KCNK10: variants seen among roughly 807,000 people sequenced by gnomAD.
KCNK10 encodes the protein potassium channel subfamily K member 10.
In KCNK10, 25 loss-of-function variants were observed where a neutral mutation model predicts 47.7. That is an observed-to-expected ratio of 0.52 (90% CI 0.38 to 0.73). The LOEUF is 0.73. Among genes scored for constraint, KCNK10 ranks in the 30% least tolerant of loss-of-function variants. KCNK10 has a pLI of 0.00. For synonymous variants in KCNK10, 303 were observed against 285.6 expected (o/e 1.06, Z -0.61); for missense variants, 563 against 714.5 (o/e 0.79, Z 2.42).
chr14:88,282,067 T>C (rs1260035150), intron 1 of KCNK10, among the ~76,000 whole-genome samples: 1 of 152,146 alleles, frequency 6.6e-6, no homozygotes, highest in Non-Finnish European at 1.5e-5. Context: ...ACCCAGTACC[T>C]AGTATGGTGT....
At chr14:88,308,757 C>A (rs1049191224) in intron 1 of KCNK10, among the ~76,000 whole-genome samples, 3 of 152,224 alleles carry the variant, frequency 2.0e-5, no homozygotes, top group African/African-American at 4.8e-5. Context: ...AACACAGATT[C>A]TTCAAAATAT....
intron 4 of KCNK10, among the ~76,000 whole-genome samples, chr14:88,221,922 A>C (rs1595089010): frequency 6.6e-6 from 1 of 152,222 alleles, no homozygotes; most frequent in East Asian, 1.9e-4. Flanking sequence ...ACTTTTATCC[A>C]TATTTAAGTG....
intron 1 of KCNK10, among the ~76,000 whole-genome samples, chr14:88,316,192 C>T (rs1888427783): frequency 1.3e-5 from 2 of 152,108 alleles, no homozygotes; most frequent in Admixed American, 6.5e-5. Flanking sequence ...ATGCAATGCT[C>T]CCTCATGACC....
At chr14:88,253,549 T>C (rs963919235) in intron 2 of KCNK10, among the ~76,000 whole-genome samples, 1 of 152,072 alleles carries the variant, frequency 6.6e-6, no homozygotes, top group Non-Finnish European at 1.5e-5. Context: ...TGCCAAATAA[T>C]ACTCATCAAA....
At chr14:88,239,586 C>T (rs915067333) in intron 3 of KCNK10, among the ~76,000 whole-genome samples, 3 of 152,258 alleles carry the variant, frequency 2.0e-5, no homozygotes, top group East Asian at 1.9e-4. Flanking sequence ...AGGCCAGGTG[C>T]GGTGGCTCAC....
Position 88,260,593 on chromosome 14 carries a change from C to T in KCNK10, c.402+2609G>A, listed in dbSNP as rs375108460. 6.2e-3 allele frequency among the ~76,000 whole-genome samples: 939 copies of T among 152,264 alleles called. 31 individuals are homozygous for T. The highest frequency in any genetic ancestry group is 0.06 in the South Asian group (289 of 4,826). ...AGAGTGTACAGTCAGTCCAACCTTG[C>T]GCTGACTACCAGCTCTACCACTTTG... On this transcript the variant is annotated intron_variant, in intron 2 of 6. Coordinates refer to ENST00000319231, the MANE Select transcript of KCNK10 (RefSeq NM_138317.3). This position sits in a 1 kb window ranked among gnomAD's most constrained non-coding sequence, Gnocchi z 4.5.
At chr14:88,188,146 G>A in intron 5 of KCNK10, 37 bp from the exon 6 acceptor site, 1 of 1,610,174 alleles carries the variant, frequency 6.2e-7, no homozygotes, top group South Asian at 1.1e-5. Flanking sequence ...CCATGATCTA[G>A]CATATGGTCT....
At chr14:88,309,472 C>T (rs923447328) in intron 1 of KCNK10, among the ~76,000 whole-genome samples, 1 of 152,134 alleles carries the variant, frequency 6.6e-6, no homozygotes, top group East Asian at 1.9e-4. Flanking sequence ...TCTGGGGGCA[C>T]ATGCCTATAG....
rs1054892150 is a variant in KCNK10 at position 88,183,857 on chromosome 14, A to T, written c.*1678T>A. The T allele has an allele frequency of 1.3e-5, 2 of 152,340 alleles. No individual in the cohort carries two copies. Among genetic ancestry groups the T allele is most frequent in the African/African-American group, 4.8e-5 (2 of 41,450 alleles). The allele number at this position is 152,340 out of a possible 1,614,324, so 9.4% of individuals were successfully genotyped here. ...TTCCCTGGAGGTCAGAAAGCATGAG[A>T]CAGTTTCTGGAAGTCTCCGCTAGTG... On this transcript the variant is annotated 3_prime_UTR_variant, in exon 7 of 7. Coordinates refer to ENST00000319231, the MANE Select transcript of KCNK10 (RefSeq NM_138317.3).
chr14:88,276,845 C>T lies in KCNK10; in HGVS notation c.53-13294G>A, dbSNP rs117916050. Among the ~76,000 whole-genome samples, 98 of 152,398 alleles carry T rather than the reference C, an allele frequency of 6.4e-4. 3 individuals carry two copies. The East Asian group carries it at 0.019, about 29-fold the overall frequency. On this transcript the variant is annotated intron_variant, in intron 1 of 6. Transcript: ENST00000319231. ...CCTGCCCTCTTTCTCTGCTCAGCTA[C>T]AGCTGTCATGATAAATGTCATGAAG...
chr14:88,270,304 C>T (rs541312301), intron 1 of KCNK10, among the ~76,000 whole-genome samples: 98 of 152,306 alleles, frequency 6.4e-4, no homozygotes, highest in African/African-American at 2.2e-3. Context: ...GTGCTCCACC[C>T]ACACCGGCCT....
At chr14:88,235,110 G>A (rs1475775845) in intron 3 of KCNK10, 1 of 456,402 alleles carries the variant, frequency 2.2e-6, no homozygotes, top group Non-Finnish European at 4.4e-6. Context: ...CAGGGAGGTA[G>A]GACAGAAATA....
At chr14:88,293,870 G>A (rs1887931685) in intron 1 of KCNK10, among the ~76,000 whole-genome samples, 2 of 151,670 alleles carry the variant, frequency 1.3e-5, no homozygotes, top group Admixed American at 1.3e-4. Context: ...TTAGAGATAG[G>A]GTCTCACTAT....
chr14:88,324,077 G>C (rs1330063032), upstream of KCNK10, among the ~76,000 whole-genome samples: 1 of 152,222 alleles, frequency 6.6e-6, no homozygotes, highest in South Asian at 2.1e-4. Context: ...AAGGAGGCTT[G>C]AGAGAGGCAC....
chr14:88,299,853 T>C lies in KCNK10; in HGVS notation c.52+22894A>G, dbSNP rs73329858. Among the ~76,000 whole-genome samples, 1,069 of 152,272 alleles carry C rather than the reference T, an allele frequency of 7.0e-3. 18 individuals are homozygous for C. The highest frequency in any genetic ancestry group is 0.025 in the African/African-American group (1,029 of 41,556). On this transcript the variant is annotated intron_variant, in intron 1 of 6. Transcript: ENST00000319231. ...CAACTTACAGAAAATATTAAGTATA[T>C]AGTGACACAGCTGATATCTAAATAT... is the stretch of plus-strand genomic sequence containing the variant.
intron 1 of KCNK10, among the ~76,000 whole-genome samples, chr14:88,297,542 A>C (rs924836999): frequency 6.6e-6 from 1 of 152,216 alleles, no homozygotes; most frequent in African/African-American, 2.4e-5. Flanking sequence ...ATAACAGAGA[A>C]TACAGATCCC....
At chr14:88,287,307 T>G (rs1266880410) in intron 1 of KCNK10, among the ~76,000 whole-genome samples, 1 of 152,212 alleles carries the variant, frequency 6.6e-6, no homozygotes, top group African/African-American at 2.4e-5. Context: ...TCAATTAGAT[T>G]GCCACAAGTT....
intron 1 of KCNK10, among the ~76,000 whole-genome samples, chr14:88,309,648 C>T (rs907536896): frequency 2.0e-5 from 3 of 152,106 alleles, no homozygotes; most frequent in Non-Finnish European, 1.5e-5. Flanking sequence ...GGCCCCAACA[C>T]CCGTTGGCAT....
chr14:88,244,721 C>G (rs537422740), intron 2 of KCNK10, among the ~76,000 whole-genome samples: 22 of 152,014 alleles, frequency 1.4e-4, no homozygotes, highest in Non-Finnish European at 2.6e-4. Context: ...GAATGGAGGG[C>G]AGCCCATTAG....
Sources: gnomAD v4.1 joint callset for allele counts (sites outside exome capture counted in the v4.1 genomes callset) on GRCh38, gnomAD v4.1.1 for gene constraint, Gnocchi (gnomAD v3.1) non-coding constraint, MANE v1.5 for transcripts, NCBI Gene and HGNC (gene_info 2026-07-23, HGNC 2026-07-21) for gene names.